FAT1: variants seen among roughly 807,000 people sequenced by gnomAD.
The protein encoded by FAT1 is FAT atypical cadherin 1, also known as protocadherin Fat 1.
A neutral mutation model predicts 329.8 loss-of-function variants in FAT1; 171 were observed. The observed-to-expected ratio is 0.52, with a 90% CI of 0.46 to 0.59. The LOEUF is 0.59. FAT1 is among the 20% of genes least tolerant of loss of function. The probability of loss-of-function intolerance (pLI) is 0.00; values close to 1 mark genes in which losing one functional copy is unlikely to be tolerated. For synonymous variants in FAT1, 2,233 were observed against 2,228.6 expected (o/e 1.00, Z -0.06); for missense variants, 5,672 against 5,774.4 (o/e 0.98, Z 0.57).
rs754907142 is a variant in FAT1, at chr4:186,636,214, G to T, written c.3994C>A (p.Arg1332Ser). The change falls in exon 6 of 27, where the codon CGC becomes AGC. Residue 1332 changes from arginine (R) to serine (S), a missense_variant. Arg to Ser is a moderately radical substitution (Grantham distance 110). This residue lies in a region of FAT1 where 3,966 missense variants were observed against 3,915.2 expected (regional missense o/e 1.01). Transcript: ENST00000441802. ...CTGGTGGTTGATGACTTTTGAGGGC[G>T]ACCATTGTCAACTGCCTTAATCTAC... Reference protein sequence around the residue: ...ILSIKAVDNGRPQKSSTTRLH... With the variant: ...ILSIKAVDNGSPQKSSTTRLH... 1 of 1,613,954 alleles carries T rather than the reference G, an allele frequency of 6.2e-7. No homozygotes were observed. Among genetic ancestry groups the T allele is most frequent in the South Asian group, 1.1e-5 (1 of 91,076 alleles).
intron 7 of FAT1, 83 bp from the exon 8 acceptor site, chr4:186,628,846 G>T: frequency 1.5e-6 from 2 of 1,366,286 alleles, no homozygotes; most frequent in Non-Finnish European, 2.0e-6. Context: ...CGAAAGTCAT[G>T]TATATTGAAA....
chr4:186,684,427 G>A (rs1307727741), intron 2 of FAT1, among the ~76,000 whole-genome samples: 1 of 152,110 alleles, frequency 6.6e-6, no homozygotes, highest in Non-Finnish European at 1.5e-5. Flanking sequence ...CAGATTTCCT[G>A]TCGGCTCTCG....
chr4:186,635,609 G>A (rs955006273), intron 6 of FAT1, among the ~76,000 whole-genome samples: 1 of 152,162 alleles, frequency 6.6e-6, no homozygotes, highest in Non-Finnish European at 1.5e-5. Context: ...CACAGGCATA[G>A]TTACTTTAAA....
rs1393283332 is a variant in FAT1, at chr4:186,708,254, A to G, written c.1574T>C (p.Leu525Pro). ...AACCCGAGGCATCAGTTCGTAGTCC[A>G]GGTTTTCTGACGTACTCACGGCACC... Reference protein sequence around the residue: ...FTGAVSTSENLDYELMPRVYT... With the variant: ...FTGAVSTSENPDYELMPRVYT... The change falls in exon 2 of 27, where the codon CTG becomes CCG. Residue 525 changes from leucine to proline, a missense_variant. By Grantham distance (98) the Leu-to-Pro change is moderately conservative. Coordinates refer to ENST00000441802, the MANE Select transcript of FAT1 (RefSeq NM_005245.4). The G allele has an allele frequency of 6.2e-7, 1 of 1,614,030 alleles. No homozygotes were observed. Among genetic ancestry groups the G allele is most frequent in the East Asian group, 2.2e-5 (1 of 44,876 alleles).
intron 8 of FAT1, 43 bp from the exon 9 acceptor site, chr4:186,628,407 T>G (rs1740425632): frequency 6.2e-7 from 1 of 1,609,070 alleles, no homozygotes; most frequent in African/African-American, 1.3e-5. Flanking sequence ...GGTGCTTTCC[T>G]TATAACTAAT....
chr4:186,682,930 A>G (rs983910046), intron 2 of FAT1, among the ~76,000 whole-genome samples: 1 of 152,106 alleles, frequency 6.6e-6, no homozygotes, highest in East Asian at 1.9e-4. Flanking sequence ...GTGTGCCACA[A>G]AACGGAGTCC....
chr4:186,721,549 C>T (rs1239734450), intron 1 of FAT1, among the ~76,000 whole-genome samples: 1 of 152,236 alleles, frequency 6.6e-6, no homozygotes, highest in Non-Finnish European at 1.5e-5. Context: ...CCTTACGGCT[C>T]CCTGCTATTA....
Position 186,709,640 on chromosome 4 carries a change from A to G in FAT1, c.188T>C (p.Ile63Thr), listed in dbSNP as rs2126705656. 1.2e-5 allele frequency: 19 copies of G among 1,613,958 alleles called. No individual in the cohort carries two copies. The highest frequency in any genetic ancestry group is 1.6e-5 in the Non-Finnish European group (19 of 1,179,878). ...CCTTACTTCCCACGCTGGATGTGTAATGTAAACACCCATCTTGACAGGATG... is the reference window on the plus strand; with the variant it reads ...CCTTACTTCCCACGCTGGATGTGTAGTGTAAACACCCATCTTGACAGGATG... Reference protein sequence around the residue: ...VGHPVKMGVYITHPAWEVRYK... With the variant: ...VGHPVKMGVYTTHPAWEVRYK... Residue 63 changes from isoleucine to threonine, a missense_variant, in exon 2 of 27, where the codon ATT becomes ACT. Around this residue, in one of 2 missense-constraint regions of FAT1, gnomAD observed 3,966 missense variants for 3,915.2 expected, o/e 1.01. Transcript: ENST00000441802.
rs1478062797 is a variant in FAT1, at chr4:186,709,420, C to T, written c.408G>A (p.Arg136=). 2 of 1,613,836 alleles carry T rather than the reference C, an allele frequency of 1.2e-6. No homozygotes were observed. The highest frequency in any genetic ancestry group is 8.5e-7 in the Non-Finnish European group (1 of 1,179,870). The change falls in exon 2 of 27, where the codon AGG becomes AGA. Residue 136 remains arginine, a synonymous_variant. Coordinates refer to ENST00000441802, the MANE Select transcript of FAT1 (RefSeq NM_005245.4). ...NTNVEARTKV[R]VQVLDTNDLR... ...AGTCATTTGTATCCAGCACCTGCACCCTGACCTTTGTTCGCGCCTCCACAT... is the reference window on the plus strand; with the variant it reads ...AGTCATTTGTATCCAGCACCTGCACTCTGACCTTTGTTCGCGCCTCCACAT...
intron 9 of FAT1, among the ~76,000 whole-genome samples, chr4:186,626,701 A>G (rs1740323311): frequency 6.9e-6 from 1 of 145,032 alleles, no homozygotes; most frequent in Non-Finnish European, 1.5e-5. Context: ...ACATAAAGTG[A>G]GCTTCATCAG....
chr4:186,638,600 T>G (rs1211470845), intron 4 of FAT1, among the ~76,000 whole-genome samples: 1 of 147,244 alleles, frequency 6.8e-6, no homozygotes, highest in Non-Finnish European at 1.5e-5. Context: ...CCAGAGGGTA[T>G]TCCCAGTTCC....
At position 186,597,097 on chromosome 4, in the gene FAT1, G is replaced by C. The variant is rs2126394898; in HGVS notation, c.12443C>G (p.Ser4148Cys). The change falls in exon 25 of 27, where the codon TCC becomes TGC. Residue 4148 changes from serine (S) to cysteine (C), a missense_variant. Coordinates refer to ENST00000441802, the MANE Select transcript of FAT1 (RefSeq NM_005245.4). Reference sequence around the variant, plus strand: ...CTCGTGGCTGCAGTTGCAGTGATAGGAGCCGTGCGTGTTCTCACAGAGGGC... The same window carrying C: ...CTCGTGGCTGCAGTTGCAGTGATAGCAGCCGTGCGTGTTCTCACAGAGGGC... ...HGALCENTHG[S>C]YHCNCSHEYR... 6.2e-7 allele frequency: 1 copy of C among 1,613,978 alleles called. No homozygotes were observed. Among genetic ancestry groups the C allele is most frequent in the Non-Finnish European group, 8.5e-7 (1 of 1,179,884 alleles).
rs2126571131 is a variant in FAT1, at chr4:186,639,737, A to T, written c.3627T>A (p.Asp1209Glu). 6.2e-7 allele frequency: 1 copy of T among 1,612,490 alleles called. No individual in the cohort carries two copies. The highest frequency in any genetic ancestry group is 2.2e-5 in the East Asian group (1 of 44,862). Reference sequence around the variant, plus strand: ...AAAAACTTACCTCTAATATGTGTTCATCTTGCTGTTCTCGGTCTAGCTTCC... The same window carrying T: ...AAAAACTTACCTCTAATATGTGTTCTTCTTGCTGTTCTCGGTCTAGCTTCC... ...TSRKLDREQQDEHILEVTVTD... is the reference protein window; with the variant it reads ...TSRKLDREQQEEHILEVTVTD... Residue 1209 changes from aspartate to glutamate, a missense_variant, in exon 4 of 27, where the codon GAT (aspartate) becomes GAA (glutamate). By Grantham distance (45) the Asp-to-Glu change is conservative. This residue lies in a region of FAT1 where 3,966 missense variants were observed against 3,915.2 expected (regional missense o/e 1.01). Coordinates refer to ENST00000441802, the MANE Select transcript of FAT1 (RefSeq NM_005245.4).
At chr4:186,715,556 G>A (rs1460320061) in intron 1 of FAT1, among the ~76,000 whole-genome samples, 3 of 152,158 alleles carry the variant, frequency 2.0e-5, no homozygotes, top group African/African-American at 7.2e-5. Context: ...CAAAACAATG[G>A]CTGTGGCTCT....
At chr4:186,663,741 G>A (rs1742297901) in intron 2 of FAT1, 128 bp from the exon 3 acceptor site, 1 of 674,678 alleles carries the variant, frequency 1.5e-6, no homozygotes, top group African/African-American at 1.8e-5. Flanking sequence ...ACCTTGAGCA[G>A]GTTAACCAGC....
At chr4:186,646,602 G>A (rs569349664) in intron 3 of FAT1, among the ~76,000 whole-genome samples, 2 of 152,102 alleles carry the variant, frequency 1.3e-5, no homozygotes, top group South Asian at 4.2e-4. Context: ...TTCAAATGCT[G>A]CCTGTCAAAA....
chr4:186,699,056 TACTC>T (rs1383549129), intron 2 of FAT1, among the ~76,000 whole-genome samples: 2 of 152,194 alleles, frequency 1.3e-5, no homozygotes, highest in Non-Finnish European at 2.9e-5. Context: ...CACGTAATTT[TACTC>T]ACTAATTGTG....
intron 9 of FAT1, among the ~76,000 whole-genome samples, chr4:186,623,608 T>A (rs140082738): frequency 1.2e-4 from 19 of 152,342 alleles, no homozygotes; most frequent in African/African-American, 4.3e-4. Context: ...ACGAAGAGAC[T>A]ATCTGCTGTG....
chr4:186,588,992 C>T lies in FAT1; in HGVS notation c.13367G>A (p.Ser4456Asn), dbSNP rs748489021. ...DELPPLPPEF[S>N]NQFESIHPPR... Reference sequence around the variant, plus strand: ...AGGGTGGATGGATTCAAACTGATTGCTGAATTCGGGCGGTAACGGTGGTAG... The same window carrying T: ...AGGGTGGATGGATTCAAACTGATTGTTGAATTCGGGCGGTAACGGTGGTAG... The change falls in exon 27 of 27, where the codon AGC (serine) becomes AAC (asparagine). Residue 4456 changes from serine (S) to asparagine (N), a missense_variant. Physicochemically the swap from Ser to Asn is conservative, Grantham distance 46. This residue lies in a region of FAT1 where 1,706 missense variants were observed against 1,859.1 expected (regional missense o/e 0.92). Transcript: ENST00000441802. 6.2e-7 allele frequency: 1 copy of T among 1,613,984 alleles called. No individual in the cohort carries two copies. The highest frequency in any genetic ancestry group is 8.5e-7 in the Non-Finnish European group (1 of 1,179,898).
Sources: gnomAD v4.1 joint callset for allele counts (sites outside exome capture counted in the v4.1 genomes callset) on GRCh38, gnomAD v4.1.1 for gene constraint, gnomAD v4.1.1 regional missense constraint, MANE v1.5 for transcripts, NCBI Gene and HGNC (gene_info 2026-07-23, HGNC 2026-07-21) for gene names.